The following GRM5 variants were observed in gnomAD, a reference collection of about 807,000 sequenced individuals.
The protein encoded by GRM5 is glutamate metabotropic receptor 5.
GRM5 carries 19 observed loss-of-function variants against 83.1 expected under a neutral mutation model. The observed-to-expected ratio is 0.23, with a 90% CI of 0.16 to 0.34. The LOEUF (loss-of-function observed/expected upper bound fraction) is 0.34, where lower values mean the gene tolerates loss of function less well. Among genes scored for constraint, GRM5 ranks in the 10% least tolerant of loss-of-function variants. The pLI, the probability that GRM5 is intolerant of heterozygous loss-of-function variation, is 1.00. For missense variants in GRM5, 1,160 were observed against 1,588.3 expected (o/e 0.73, Z 4.58); for synonymous variants, 675 against 633.6 (o/e 1.07, Z -0.98).
At chr11:88,721,757 G>A (rs1046570261) in intron 3 of GRM5, among the ~76,000 whole-genome samples, 3 of 152,044 alleles carry the variant, frequency 2.0e-5, no homozygotes, top group Non-Finnish European at 4.4e-5. Context: ...TCTCAGTAAT[G>A]AAGTTTTTAT....
intron 3 of GRM5, among the ~76,000 whole-genome samples, chr11:88,727,417 G>T (rs1941708542): frequency 6.6e-6 from 1 of 152,166 alleles, no homozygotes; most frequent in African/African-American, 2.4e-5. Context: ...AAGAGACTTA[G>T]ATTCAAACGC....
At chr11:88,786,106 TG>T (rs1399948374) in intron 3 of GRM5, among the ~76,000 whole-genome samples, 2 of 152,118 alleles carry the variant, frequency 1.3e-5, no homozygotes, top group Non-Finnish European at 2.9e-5. Context: ...TACATGAATA[TG>T]ACATGGTCCC....
intron 3 of GRM5, among the ~76,000 whole-genome samples, chr11:88,742,016 G>T (rs1193822606): frequency 1.3e-5 from 2 of 151,828 alleles, no homozygotes; most frequent in Non-Finnish European, 2.9e-5. Context: ...ACTGCCATCT[G>T]ATTACCATGT....
chr11:88,578,356 A>C (rs1014335740), intron 7 of GRM5, among the ~76,000 whole-genome samples: 1 of 152,150 alleles, frequency 6.6e-6, no homozygotes, highest in African/African-American at 2.4e-5. Flanking sequence ...TTCTTGTTCT[A>C]AGGGGAAAAT....
chr11:88,976,956 C>T (rs1436180782), intron 2 of GRM5, among the ~76,000 whole-genome samples: 1 of 151,762 alleles, frequency 6.6e-6, no homozygotes, highest in Non-Finnish European at 1.5e-5. Context: ...ATAATGTCAT[C>T]CCTAGTAAAC....
intron 4 of GRM5, among the ~76,000 whole-genome samples, chr11:88,617,468 C>A (rs1938514826): frequency 6.6e-6 from 1 of 152,184 alleles, no homozygotes; most frequent in African/African-American, 2.4e-5. Flanking sequence ...TGGAACTGTG[C>A]ACCAGATGTA....
chr11:88,792,790 GT>G (rs200929512), intron 3 of GRM5, among the ~76,000 whole-genome samples: 4 of 151,816 alleles, frequency 2.6e-5, no homozygotes, highest in Non-Finnish European at 4.4e-5. Context: ...AATTATTAGT[GT>G]TTTTTTAATG....
intron 3 of GRM5, among the ~76,000 whole-genome samples, chr11:88,728,850 A>C (rs1189789477): frequency 6.6e-6 from 1 of 152,198 alleles, no homozygotes; most frequent in African/African-American, 2.4e-5. Flanking sequence ...ACTCTCAATA[A>C]ACTAGGTATT....
chr11:88,911,731 T>G (rs1945502894), intron 2 of GRM5, among the ~76,000 whole-genome samples: 1 of 152,138 alleles, frequency 6.6e-6, no homozygotes, highest in Non-Finnish European at 1.5e-5. Flanking sequence ...ACACATTGTG[T>G]TGCCTCAGAA....
intron 3 of GRM5, among the ~76,000 whole-genome samples, chr11:88,817,691 A>G (rs373872454): frequency 6.6e-6 from 1 of 152,148 alleles, no homozygotes; most frequent in East Asian, 1.9e-4. Context: ...TGAGTTATTT[A>G]TTAAATTATT....
At chr11:88,832,016 T>C (rs981182139) in intron 3 of GRM5, among the ~76,000 whole-genome samples, 5 of 152,186 alleles carry the variant, frequency 3.3e-5, no homozygotes, top group African/African-American at 1.2e-4. Flanking sequence ...TCAGTGGATG[T>C]TCCTGTCTCC....
chr11:88,790,344 T>G (rs1943150145), intron 3 of GRM5, among the ~76,000 whole-genome samples: 1 of 152,306 alleles, frequency 6.6e-6, no homozygotes, highest in Non-Finnish European at 1.5e-5. Flanking sequence ...CCCATCAAAC[T>G]TTGACTTGAG....
At chr11:88,996,510 A>C (rs965475810) in intron 2 of GRM5, among the ~76,000 whole-genome samples, 2 of 152,216 alleles carry the variant, frequency 1.3e-5, no homozygotes, top group African/African-American at 4.8e-5. Context: ...ACCAACAACA[A>C]ATCTTCTAGT....
rs199660532 is a variant in GRM5 at position 89,036,002 on chromosome 11, CT to C, written c.661+11209del. ...AATTTACAAAGAAGTTATCTATCTA[CT>C]GCTTGTACCTATTTTTTTCACTATA... On this transcript the variant is annotated intron_variant, in intron 2 of 9. Transcript: ENST00000305447. 3.3e-3 allele frequency among the ~76,000 whole-genome samples: 507 copies of C among 152,168 alleles called. 3 individuals carry two copies. The highest frequency in any genetic ancestry group is 0.011 in the African/African-American group (473 of 41,532).
chr11:88,845,476 C>A (rs1944286645), intron 3 of GRM5, among the ~76,000 whole-genome samples: 2 of 129,034 alleles, frequency 1.5e-5, no homozygotes, highest in South Asian at 5.5e-4. Context: ...CTCTGTCGCC[C>A]AGGCTGCAGG....
intron 7 of GRM5, among the ~76,000 whole-genome samples, chr11:88,574,483 T>C (rs146628540): frequency 6.6e-6 from 1 of 152,172 alleles, no homozygotes; most frequent in Non-Finnish European, 1.5e-5. Flanking sequence ...GAAATATTCC[T>C]CGTGGGCAGG....
intron 3 of GRM5, among the ~76,000 whole-genome samples, chr11:88,786,465 C>T (rs1035491031): frequency 1.3e-5 from 2 of 152,102 alleles, no homozygotes; most frequent in Non-Finnish European, 2.9e-5. Flanking sequence ...CTTACATTAA[C>T]CAATCTACTC....
intron 2 of GRM5, among the ~76,000 whole-genome samples, chr11:88,935,300 G>A (rs1937854211): frequency 6.6e-6 from 1 of 151,788 alleles, no homozygotes; most frequent in South Asian, 2.1e-4. Flanking sequence ...AGAATGTTTA[G>A]AATAGTGAAG....
At chr11:89,031,819 C>T (rs546959268) in intron 2 of GRM5, among the ~76,000 whole-genome samples, 20 of 151,916 alleles carry the variant, frequency 1.3e-4, no homozygotes, top group Non-Finnish European at 5.9e-5. Flanking sequence ...ATATTATTTG[C>T]ATCCTCCTTA....
Sources: gnomAD v4.1 joint callset for allele counts (sites outside exome capture counted in the v4.1 genomes callset) on GRCh38, gnomAD v4.1.1 for gene constraint, MANE v1.5 for transcripts, NCBI Gene and HGNC (gene_info 2026-07-23, HGNC 2026-07-21) for gene names.